The following GATD1 variants were observed in gnomAD, a reference collection of about 807,000 sequenced individuals.
GATD1 encodes glutamine amidotransferase-like class 1 domain-containing protein 1.
In GATD1, 23 loss-of-function variants were observed where a neutral mutation model predicts 25.9. That is an observed-to-expected ratio of 0.89 (90% CI 0.64 to 1.26). The LOEUF is 1.26. GATD1 is among the 50% of genes most tolerant of loss of function. GATD1 has a pLI of 0.00. For missense variants in GATD1, 347 were observed against 312.5 expected, an observed-to-expected ratio of 1.11 and a Z score of -0.83; for synonymous variants, 177 against 134.6, an observed-to-expected ratio of 1.31 and a Z score of -2.18.
intron 2 of GATD1, among the ~76,000 whole-genome samples, chr11:774,361 C>A (rs1247350382): frequency 2.0e-5 from 3 of 152,240 alleles, no homozygotes; most frequent in Non-Finnish European, 2.9e-5. Flanking sequence ...AACAAAAACC[C>A]GCAGTGACAA....
intron 5 of GATD1, among the ~76,000 whole-genome samples, chr11:771,944 C>G (rs1332076462): frequency 6.6e-6 from 1 of 152,134 alleles, no homozygotes; most frequent in African/African-American, 2.4e-5. Flanking sequence ...GCACAGCAGC[C>G]ACCTCTCCCT....
chr11:771,496 T>TCA, intron 5 of GATD1, 70 bp from the exon 6 acceptor site: 9 of 1,463,538 alleles, frequency 6.1e-6, no homozygotes, highest in Non-Finnish European at 8.1e-6. Flanking sequence ...GTCAGGAAGG[T>TCA]CAAGTCAGGG....
At position 771,346 on chromosome 11, in the gene GATD1, GC is replaced by G; in HGVS notation, c.530del (p.Gly177AlafsTer49). The G allele has an allele frequency of 6.3e-7, 1 of 1,598,000 alleles. No homozygotes were observed. Among genetic ancestry groups the G allele is most frequent in the South Asian group, 1.1e-5 (1 of 89,584 alleles). On this transcript the variant is annotated frameshift_variant, in exon 6 of 8. Transcript: ENST00000319863. LOFTEE classifies it high-confidence loss of function. The part of the protein sequence containing the change: ...LVVEDFVKDS[G>X]ACFSASEPDA... ...CTCGAGGCTCACCACTGAAGCAGGCGCCCGAATCCTTCACGAAGTCCTCCAC... is the reference window on the plus strand; with the variant it reads ...CTCGAGGCTCACCACTGAAGCAGGCGCCGAATCCTTCACGAAGTCCTCCAC...
At position 775,976 on chromosome 11, in the gene GATD1, C is replaced by CTTTTTTTTTT. The variant is rs71022972; in HGVS notation, c.65-844_65-835dup. On this transcript the variant is annotated intron_variant, in intron 1 of 7. Transcript: ENST00000319863. ...CCTCAGCTTCATTTTTATCTTCATT[C>CTTTTTTTTTT]TTTTTTTTTTTTTTTTTTTTTTTTT... 3.0e-3 allele frequency among the ~76,000 whole-genome samples: 214 copies of CTTTTTTTTTT among 72,288 alleles called. 26 individuals carry two copies. The highest frequency in any genetic ancestry group is 3.1e-3 in the Non-Finnish European group (132 of 42,244). 47.4% of individuals were successfully genotyped at this position (72,288 alleles called of 152,430 possible).
At position 767,592 on chromosome 11, in the gene GATD1, T is replaced by C; in HGVS notation, c.*3305A>G. On this transcript the variant is annotated 3_prime_UTR_variant, in exon 8 of 8. Coordinates refer to ENST00000319863, the MANE Select transcript of GATD1 (RefSeq NM_182612.4). ...GCTGACCAGAGGGGCTCAATGAGGCTCACTGGCTCTTCATGCACCCTGCTG... is the reference window on the plus strand; with the variant it reads ...GCTGACCAGAGGGGCTCAATGAGGCCCACTGGCTCTTCATGCACCCTGCTG... The C allele has an allele frequency of 7.1e-7, 1 of 1,401,086 alleles. No homozygotes were observed. Among genetic ancestry groups the C allele is most frequent in the Non-Finnish European group, 9.2e-7 (1 of 1,081,730 alleles). The allele number at this position is 1,401,086 out of a possible 1,614,324, so 86.8% of individuals were successfully genotyped here. A position where few individuals can be genotyped will look rare whatever the true frequency, so the allele number is the denominator to read the frequency against.
Position 767,306 on chromosome 11 carries a change from G to A in GATD1, c.*3591C>T, listed in dbSNP as rs1863104508. On this transcript the variant is annotated 3_prime_UTR_variant, in exon 8 of 8. Coordinates refer to ENST00000319863, the MANE Select transcript of GATD1 (RefSeq NM_182612.4). ...GGGAAATCCTCACCCGCCCTCCGCT[G>A]CTCTTCTGGAGGTCTGTCCTCTTGC... The A allele has an allele frequency of 7.2e-6, 11 of 1,536,102 alleles. No individual in the cohort carries two copies. The highest frequency in any genetic ancestry group is 9.6e-6 in the Non-Finnish European group (11 of 1,146,958).
chr11:777,429 A>G lies in GATD1; in HGVS notation c.34T>C (p.Cys12Arg). Residue 12 changes from cysteine (C) to arginine (R), a missense_variant, in exon 1 of 8, where the codon TGT becomes CGT. By Grantham distance (180) the Cys-to-Arg change is radical. Transcript: ENST00000319863. ...GCGGCGCCGCTGGCCACGAGCAGAC[A>G]GGCGGGCCTGTTAGGGAGCCGCTCG... is the stretch of plus-strand genomic sequence containing the variant. The part of the protein sequence containing the change: ...ASERLPNRPA[C>R]LLVASGAAEG... 1.6e-6 allele frequency: 2 copies of G among 1,279,998 alleles called. No homozygotes were observed. Among genetic ancestry groups the G allele is most frequent in the Non-Finnish European group, 2.0e-6 (2 of 1,012,700 alleles). 79.3% of individuals were successfully genotyped at this position (1,279,998 alleles called of 1,614,324 possible). A position where few individuals can be genotyped will look rare whatever the true frequency, so the allele number is the denominator to read the frequency against.
In GATD1 at chr11:769,836, T is replaced by G; in HGVS notation, c.*1061A>C. On this transcript the variant is annotated 3_prime_UTR_variant, in exon 8 of 8. Transcript: ENST00000319863. Reference sequence around the variant, plus strand: ...TTTCACCATGTTAGCCAGGATGGTCTCGATCTCCTGACCTCGTGATCCGCC... The same window carrying G: ...TTTCACCATGTTAGCCAGGATGGTCGCGATCTCCTGACCTCGTGATCCGCC... 1.3e-6 allele frequency: 1 copy of G among 761,906 alleles called. No individual in the cohort carries two copies. The highest frequency in any genetic ancestry group is 1.6e-6 in the Non-Finnish European group (1 of 627,374). The allele number at this position is 761,906 out of a possible 1,614,324, so 47.2% of individuals were successfully genotyped here. A position where few individuals can be genotyped will look rare whatever the true frequency, so the allele number is the denominator to read the frequency against.
chr11:776,391 C>T (rs1259352309), intron 1 of GATD1, among the ~76,000 whole-genome samples: 2 of 152,140 alleles, frequency 1.3e-5, no homozygotes, highest in South Asian at 4.1e-4. Context: ...GCTGCCCGCC[C>T]TTCCGGCCTC....
chr11:770,588 C>T lies in GATD1; in HGVS notation c.*309G>A. 1.4e-6 allele frequency: 2 copies of T among 1,412,192 alleles called. No homozygotes were observed. Among genetic ancestry groups the T allele is most frequent in the South Asian group, 3.3e-5 (2 of 61,150 alleles). The allele number at this position is 1,412,192 out of a possible 1,614,324, so 87.5% of individuals were successfully genotyped here. ...CAGTGACCACACGTGACAACCAGTC[C>T]TCCCTAGAAAACCCAGCCTGGAATT... On this transcript the variant is annotated 3_prime_UTR_variant, in exon 8 of 8. Coordinates refer to ENST00000319863, the MANE Select transcript of GATD1 (RefSeq NM_182612.4).
Position 777,393 on chromosome 11 carries a change from C to T in GATD1, c.64+6G>A. On this transcript the variant is annotated splice_donor_region_variant and intron_variant, in intron 1 of 7. Coordinates refer to ENST00000319863, the MANE Select transcript of GATD1 (RefSeq NM_182612.4). ...TCGGACACTGGCCCCGGCCGCCGGG[C>T]CTCACCTTCGGCGGCGCCGCTGGCC... 1.5e-6 allele frequency: 2 copies of T among 1,297,954 alleles called. No individual in the cohort carries two copies. The highest frequency in any genetic ancestry group is 2.1e-5 in the South Asian group (1 of 47,904). 80.4% of individuals were successfully genotyped at this position (1,297,954 alleles called of 1,614,324 possible).
intron 2 of GATD1, among the ~76,000 whole-genome samples, chr11:774,342 TAATA>T (rs1227287713): frequency 6.6e-5 from 10 of 152,322 alleles, no homozygotes; most frequent in Admixed American, 6.5e-5. Flanking sequence ...TTTTTATACA[TAATA>T]AATAAACAAA....
chr11:771,796 CT>C (rs1863472613), intron 5 of GATD1, among the ~76,000 whole-genome samples: 1 of 152,138 alleles, frequency 6.6e-6, no homozygotes, highest in Admixed American at 6.5e-5. Flanking sequence ...GTCACGCCCA[CT>C]TGTAACCTGA....
At chr11:775,976 CTT>C (rs71022972) in intron 1 of GATD1, among the ~76,000 whole-genome samples, 132 of 72,244 alleles carry the variant, frequency 1.8e-3, no homozygotes, top group South Asian at 7.2e-3. Flanking sequence ...TATCTTCATT[CTT>C]TTTTTTTTTT....
At chr11:775,730 C>T (rs190108541) in intron 1 of GATD1, among the ~76,000 whole-genome samples, 11 of 152,234 alleles carry the variant, frequency 7.2e-5, no homozygotes, top group Non-Finnish European at 1.5e-4. Flanking sequence ...GATTATACCC[C>T]TCCCCCGCCA....
chr11:772,456 A>G lies in GATD1; in HGVS notation c.421T>C (p.Trp141Arg). 6.2e-7 allele frequency: 1 copy of G among 1,613,416 alleles called. No individual in the cohort carries two copies. The highest frequency in any genetic ancestry group is 8.5e-7 in the Non-Finnish European group (1 of 1,179,968). The change falls in exon 5 of 8, where the codon TGG becomes CGG. Residue 141 changes from tryptophan to arginine, a missense_variant. Coordinates refer to ENST00000319863, the MANE Select transcript of GATD1 (RefSeq NM_182612.4). ...GTCAGGCTGTAGCTGTCGAACACCCAGGATCTGTCCTCGTTGGTGGCACAG... is the reference window on the plus strand; with the variant it reads ...GTCAGGCTGTAGCTGTCGAACACCCGGGATCTGTCCTCGTTGGTGGCACAG... ...LCCATNEDRS[W>R]VFDSYSLTGP...
Position 767,390 on chromosome 11 carries a change from T to C in GATD1, c.*3507A>G, listed in dbSNP as rs1863109993. 11 of 1,534,074 alleles carry C rather than the reference T, an allele frequency of 7.2e-6. No homozygotes were observed. Among genetic ancestry groups the C allele is most frequent in the Non-Finnish European group, 8.7e-6 (10 of 1,145,950 alleles). Reference sequence around the variant, plus strand: ...AGCCCTGCCCTGGCAAAGAGAGAACTGTGCACAGCGGGGAGGCTCTCCAAG... The same window carrying C: ...AGCCCTGCCCTGGCAAAGAGAGAACCGTGCACAGCGGGGAGGCTCTCCAAG... On this transcript the variant is annotated 3_prime_UTR_variant, in exon 8 of 8. Transcript: ENST00000319863.
chr11:774,877 T>A (rs1590097089), intron 2 of GATD1, among the ~76,000 whole-genome samples, 189 bp downstream of exon 2: 1 of 150,622 alleles, frequency 6.6e-6, no homozygotes, highest in Non-Finnish European at 1.5e-5. Flanking sequence ...AGATGGGGGA[T>A]CAGAGCCCAG....
At chr11:771,191 CAGT>C in intron 6 of GATD1, 87 bp from the exon 7 acceptor site, 1 of 1,544,532 alleles carries the variant, frequency 6.5e-7, no homozygotes, top group Non-Finnish European at 8.7e-7. Flanking sequence ...CCAGGGTCAG[CAGT>C]AGGTCAGCCT....
Sources: gnomAD v4.1 joint callset for allele counts (sites outside exome capture counted in the v4.1 genomes callset) on GRCh38, gnomAD v4.1.1 for gene constraint, MANE v1.5 for transcripts, NCBI Gene and HGNC (gene_info 2026-07-23, HGNC 2026-07-21) for gene names.